ABHD3: variants seen among roughly 807,000 people sequenced by gnomAD.
ABHD3 encodes phospholipase ABHD3.
Under a neutral mutation model 48.8 loss-of-function variants are expected in ABHD3, and 46 were observed. The observed-to-expected ratio is 0.94, with a 90% CI of 0.74 to 1.20. The LOEUF is 1.20. Ranked by LOEUF, ABHD3 falls within the 50% of genes most tolerant of loss-of-function variation. The pLI, the probability that ABHD3 is intolerant of heterozygous loss-of-function variation, is 0.00. For synonymous variants in ABHD3, 192 were observed against 183.7 expected, an observed-to-expected ratio of 1.04 and a Z score of -0.36; for missense variants, 490 against 497.8, an observed-to-expected ratio of 0.98 and a Z score of 0.15.
chr18:21,655,530 T>C (rs1368910090), intron 8 of ABHD3, among the ~76,000 whole-genome samples: 1 of 152,154 alleles, frequency 6.6e-6, no homozygotes, highest in Non-Finnish European at 1.5e-5. Context: ...AAATTTCATA[T>C]TTCTTGACTT....
chr18:21,694,690 T>C (rs1450242226), intron 3 of ABHD3, among the ~76,000 whole-genome samples: 1 of 152,218 alleles, frequency 6.6e-6, no homozygotes, highest in African/African-American at 2.4e-5. Context: ...TTCTCTCCTT[T>C]CTCTGTCAAA....
intron 3 of ABHD3, among the ~76,000 whole-genome samples, chr18:21,700,142 T>A (rs1275431624): frequency 1.3e-5 from 2 of 152,076 alleles, no homozygotes; most frequent in Non-Finnish European, 2.9e-5. Flanking sequence ...CAGGCTGGAG[T>A]GCAGTGGTGC....
chr18:21,679,512 A>G (rs1480054930), intron 4 of ABHD3, among the ~76,000 whole-genome samples: 1 of 152,332 alleles, frequency 6.6e-6, no homozygotes, highest in Non-Finnish European at 1.5e-5. Flanking sequence ...GTTATAAAAA[A>G]CTTTTTTTAA....
intron 3 of ABHD3, among the ~76,000 whole-genome samples, chr18:21,697,830 A>G (rs2040414040): frequency 6.6e-6 from 1 of 152,172 alleles, no homozygotes; most frequent in Admixed American, 6.5e-5. Context: ...GGTAGAGGGG[A>G]AAAAACAATG....
chr18:21,669,218 A>C (rs1276279678), intron 4 of ABHD3, among the ~76,000 whole-genome samples: 2 of 152,120 alleles, frequency 1.3e-5, no homozygotes, highest in Non-Finnish European at 2.9e-5. Context: ...AAAATGAGTA[A>C]ATAAACTATA....
rs78052388 is a variant in ABHD3 at position 21,694,340 on chromosome 18, G to A, written c.509+7976C>T. On this transcript the variant is annotated intron_variant, in intron 3 of 8. Transcript: ENST00000289119. ...TCGAACTCCTGACGTCAAGCGATCC[G>A]CCGGCCTTGGCCTCCCAAAGTGCTG... 9.3e-3 allele frequency among the ~76,000 whole-genome samples: 1,416 copies of A among 152,218 alleles called. 25 individuals are homozygous for A. The highest frequency in any genetic ancestry group is 0.032 in the African/African-American group (1,326 of 41,530).
At chr18:21,665,507 A>G (rs1176077963) in intron 4 of ABHD3, among the ~76,000 whole-genome samples, 1 of 151,936 alleles carries the variant, frequency 6.6e-6, no homozygotes, top group Non-Finnish European at 1.5e-5. Flanking sequence ...CCCAAGTAAA[A>G]TCATTATTTA....
chr18:21,671,709 G>A (rs2039761328), intron 4 of ABHD3, among the ~76,000 whole-genome samples: 1 of 152,180 alleles, frequency 6.6e-6, no homozygotes, highest in Admixed American at 6.5e-5. Context: ...CATTCAATAA[G>A]TTAGAATAAT....
Position 21,664,520 on chromosome 18 carries a change from A to G in ABHD3, c.556-290T>C, listed in dbSNP as rs1258683169. On this transcript the variant is annotated intron_variant, in intron 4 of 8. Coordinates refer to ENST00000289119, the MANE Select transcript of ABHD3 (RefSeq NM_138340.5). ...AATACCTTCAATTAAACAAAGTACCATACTCAAACGTGTCTCCAACTTAAC... is the reference window on the plus strand; with the variant it reads ...AATACCTTCAATTAAACAAAGTACCGTACTCAAACGTGTCTCCAACTTAAC... The G allele has an allele frequency of 2.0e-5, 5 of 250,960 alleles. No homozygotes were observed. In the South Asian group the frequency reaches 4.3e-4, roughly 22 times the overall value. The allele number at this position is 250,960 out of a possible 1,614,324, so 15.5% of individuals were successfully genotyped here. A position where few individuals can be genotyped will look rare whatever the true frequency, so the allele number is the denominator to read the frequency against.
At chr18:21,655,988 C>T (rs1391424962) in intron 8 of ABHD3, among the ~76,000 whole-genome samples, 3 of 150,790 alleles carry the variant, frequency 2.0e-5, no homozygotes, top group Non-Finnish European at 4.4e-5. Context: ...GAAACCCCAT[C>T]TCTACAAAAA....
chr18:21,699,055 T>C (rs1157718293), intron 3 of ABHD3, among the ~76,000 whole-genome samples: 3 of 151,790 alleles, frequency 2.0e-5, no homozygotes, highest in African/African-American at 2.4e-5. Context: ...TGTCTTAAGA[T>C]TCCTGAGTAG....
At chr18:21,659,504 C>T (rs1184622154) in intron 5 of ABHD3, among the ~76,000 whole-genome samples, 161 bp from the exon 6 acceptor site, 2 of 152,160 alleles carry the variant, frequency 1.3e-5, no homozygotes, top group Non-Finnish European at 2.9e-5. Flanking sequence ...TCATTCTTTC[C>T]TTATATTCAT....
At position 21,672,450 on chromosome 18, in the gene ABHD3, G is replaced by A. The variant is rs1489359008; in HGVS notation, c.556-8220C>T. ...AATGCCTGGTAAAAAAATCATTTACGTTTCATATTAACTGTAATGTTTGAT... is the reference window on the plus strand; with the variant it reads ...AATGCCTGGTAAAAAAATCATTTACATTTCATATTAACTGTAATGTTTGAT... On this transcript the variant is annotated intron_variant, in intron 4 of 8. Transcript: ENST00000289119. 3.3e-5 allele frequency among the ~76,000 whole-genome samples: 5 copies of A among 152,100 alleles called. No individual in the cohort carries two copies. The South Asian group carries it at 8.3e-4, about 25-fold the overall frequency.
intron 5 of ABHD3, 35 bp from the exon 6 acceptor site, chr18:21,659,378 A>C (rs1423726609): frequency 1.9e-6 from 3 of 1,581,404 alleles, no homozygotes; most frequent in Middle Eastern, 1.7e-4. Flanking sequence ...TCAGTGATTA[A>C]TTTGTTGTAT....
chr18:21,655,284 G>GT lies in ABHD3; in HGVS notation c.1057+1576dup, dbSNP rs1296017863. ...TGCATTGAGGGGAAAGAGAGAAAAA[G>GT]TTTTTTTTTTTTTTTTTTTCCAAGA... On this transcript the variant is annotated intron_variant, in intron 8 of 8. Coordinates refer to ENST00000289119, the MANE Select transcript of ABHD3 (RefSeq NM_138340.5). Among the ~76,000 whole-genome samples the GT allele has an allele frequency of 7.6e-3, 964 of 127,656 alleles. 5 individuals carry two copies. Among genetic ancestry groups the GT allele is most frequent in the East Asian group, 0.032 (137 of 4,306 alleles). The allele number at this position is 127,656 out of a possible 152,430, so 83.7% of individuals were successfully genotyped here.
intron 8 of ABHD3, 30 bp downstream of exon 8, chr18:21,656,831 T>C: frequency 6.5e-7 from 1 of 1,530,804 alleles, no homozygotes; most frequent in Non-Finnish European, 8.8e-7. Flanking sequence ...TTGATTCATG[T>C]CAAAATATAT....
chr18:21,664,315 A>G, intron 4 of ABHD3, 85 bp from the exon 5 acceptor site: 1 of 1,241,550 alleles, frequency 8.1e-7, no homozygotes, highest in Non-Finnish European at 1.1e-6. Flanking sequence ...AGGAGCAAGG[A>G]GTCATACATA....
chr18:21,669,336 T>C (rs1453536908), intron 4 of ABHD3, among the ~76,000 whole-genome samples: 1 of 152,218 alleles, frequency 6.6e-6, no homozygotes, highest in Non-Finnish European at 1.5e-5. Context: ...GTCGGCCTCC[T>C]GCTAGCTCCT....
At position 21,667,854 on chromosome 18, in the gene ABHD3, C is replaced by A. The variant is rs564056333; in HGVS notation, c.556-3624G>T. Among the ~76,000 whole-genome samples the A allele has an allele frequency of 8.5e-5, 13 of 152,076 alleles. No homozygotes were observed. The East Asian group carries it at 2.1e-3, about 25-fold the overall frequency. The stretch of plus-strand genomic sequence containing the variant: ...AAAAAATACTTTTTGATTGAATGCA[C>A]GTCAATCACAAGGGGCGGGGGGCAC... On this transcript the variant is annotated intron_variant, in intron 4 of 8. Transcript: ENST00000289119.
Sources: gnomAD v4.1 joint callset for allele counts (sites outside exome capture counted in the v4.1 genomes callset) on GRCh38, gnomAD v4.1.1 for gene constraint, MANE v1.5 for transcripts, NCBI Gene and HGNC (gene_info 2026-07-23, HGNC 2026-07-21) for gene names.